The following KIAA1755 variants were observed in gnomAD, a reference collection of about 807,000 sequenced individuals.
The protein encoded by KIAA1755 is uncharacterized protein KIAA1755.
KIAA1755 carries 68 observed loss-of-function variants against 91.7 expected under a neutral mutation model. The ratio of observed to expected loss-of-function variants is 0.74; its 90% CI spans 0.61 to 0.91. KIAA1755 has a LOEUF of 0.91. KIAA1755 is among the 40% of genes least tolerant of loss of function. The pLI is 0.00. For missense variants in KIAA1755, 1,535 were observed against 1,494.4 expected, an observed-to-expected ratio of 1.03 and a Z score of -0.45; for synonymous variants, 610 against 604.6, an observed-to-expected ratio of 1.01 and a Z score of -0.13.
At chr20:38,219,561 G>T in intron 11 of KIAA1755, 69 bp downstream of exon 11, 1 of 1,586,080 alleles carries the variant, frequency 6.3e-7, no homozygotes, top group Non-Finnish European at 8.6e-7. Context: ...GACGGGCCCA[G>T]AGTCGGGGCT....
At chr20:38,249,858 A>G (rs1216663990) in intron 1 of KIAA1755, among the ~76,000 whole-genome samples, 2 of 151,350 alleles carry the variant, frequency 1.3e-5, no homozygotes, top group African/African-American at 4.9e-5. Flanking sequence ...CAATCCTGGG[A>G]GCAGTCCCTT....
rs369269098 is a variant in KIAA1755 at position 38,219,668 on chromosome 20, G to A, written c.2518C>T (p.Arg840Cys). ...SNSLLGKLEL[R>C]VRLGRLEAAI... ...GCTTCCAGGCGGCCCAGGCGGACAC[G>A]GAGCTCCAGCTTCCCCAGGAGGCTG... Residue 840 changes from arginine (R) to cysteine (C), a missense_variant, in exon 11 of 14, where the codon CGT becomes TGT. By Grantham distance (180) the Arg-to-Cys change is radical (BLOSUM62 -3). Transcript: ENST00000279024. The A allele has an allele frequency of 2.7e-5, 43 of 1,614,038 alleles. No homozygotes were observed. The highest frequency in any genetic ancestry group is 3.2e-5 in the Non-Finnish European group (38 of 1,180,044).
intron 1 of KIAA1755, among the ~76,000 whole-genome samples, chr20:38,251,417 C>G (rs778566078): frequency 1.3e-4 from 20 of 152,168 alleles, no homozygotes; most frequent in Admixed American, 2.0e-4. Flanking sequence ...ATGCTCATGA[C>G]CTTCTGGACT....
chr20:38,228,992 C>T (rs1320825054), intron 5 of KIAA1755, among the ~76,000 whole-genome samples: 2 of 152,224 alleles, frequency 1.3e-5, no homozygotes, highest in Non-Finnish European at 2.9e-5. Flanking sequence ...ACAGATTCCT[C>T]ACCCTACTCC....
chr20:38,231,240 C>T lies in KIAA1755; in HGVS notation c.1833G>A (p.Glu611=). The T allele has an allele frequency of 1.2e-6, 2 of 1,613,638 alleles. No individual in the cohort carries two copies. Among genetic ancestry groups the T allele is most frequent in the Non-Finnish European group, 1.7e-6 (2 of 1,179,868 alleles). The change falls in exon 5 of 14, where the codon GAG becomes GAA. Residue 611 remains glutamate (E), a synonymous_variant. Transcript: ENST00000279024. Reference sequence around the variant, plus strand: ...ACAGGTAGGACAGTAGCTTGGTGACCTCTGAAACTGTGCACCATGGTGCCT... The same window carrying T: ...ACAGGTAGGACAGTAGCTTGGTGACTTCTGAAACTGTGCACCATGGTGCCT... The part of the protein sequence containing the change: ...AWEAPWCTVS[E]VTKLLSYLCT...
Position 38,228,312 on chromosome 20 carries a change from G to A in KIAA1755, c.1872-72C>T, listed in dbSNP as rs2075797802. 4 of 1,181,168 alleles carry A rather than the reference G, an allele frequency of 3.4e-6. No homozygotes were observed. The African/African-American group carries it at 6.3e-5, about 18-fold the overall frequency. 73.2% of individuals were successfully genotyped at this position (1,181,168 alleles called of 1,614,324 possible). On this transcript the variant is annotated intron_variant, in intron 5 of 13. Coordinates refer to ENST00000279024, the MANE Select transcript of KIAA1755 (RefSeq NM_001029864.2). Reference sequence around the variant, plus strand: ...CAGGGGGCAGGACCTAGTGGAAGGTGAGGGAACCTGGCTGCTAGAAACCTT... The same window carrying A: ...CAGGGGGCAGGACCTAGTGGAAGGTAAGGGAACCTGGCTGCTAGAAACCTT...
Position 38,213,208 on chromosome 20 carries a change from G to A in KIAA1755, c.3437C>T (p.Pro1146Leu), listed in dbSNP as rs1346341577. 6.2e-7 allele frequency: 1 copy of A among 1,613,464 alleles called. No homozygotes were observed. The highest frequency in any genetic ancestry group is 8.5e-7 in the Non-Finnish European group (1 of 1,180,028). ...AAGCAAATGCTCGCGGGCAGGGTCA[G>A]GCAGCTTGTGGGAGCCTTTGCCGTC... is the stretch of plus-strand genomic sequence containing the variant. ...AEDGKGSHKLPDPAREHLLAT... is the reference protein window; with the variant it reads ...AEDGKGSHKLLDPAREHLLAT... Residue 1146 changes from proline to leucine, a missense_variant, in exon 14 of 14, where the codon CCT (proline) becomes CTT (leucine). By Grantham distance (98) the Pro-to-Leu change is moderately conservative (BLOSUM62 -3). Transcript: ENST00000279024.
At chr20:38,223,324 G>A (rs552772060) in intron 9 of KIAA1755, among the ~76,000 whole-genome samples, 24 of 152,318 alleles carry the variant, frequency 1.6e-4, no homozygotes, top group Admixed American at 7.2e-4. Flanking sequence ...ACAGCACCAC[G>A]AGCCCCAAGA....
chr20:38,213,748 G>A lies in KIAA1755; in HGVS notation c.2902-5C>T. 1 of 1,454,804 alleles carries A rather than the reference G, an allele frequency of 6.9e-7. No individual in the cohort carries two copies. Among genetic ancestry groups the A allele is most frequent in the Non-Finnish European group, 9.1e-7 (1 of 1,104,002 alleles). 90.1% of individuals were successfully genotyped at this position (1,454,804 alleles called of 1,614,324 possible). On this transcript the variant is annotated splice_region_variant and splice_polypyrimidine_tract_variant and intron_variant, in intron 13 of 13. Transcript: ENST00000279024. ...GTCCATGTGGAACCAGGTCATCTGGGGGACAAGAAGAGAGGGAGGTGGGGG... is the reference window on the plus strand; with the variant it reads ...GTCCATGTGGAACCAGGTCATCTGGAGGACAAGAAGAGAGGGAGGTGGGGG...
chr20:38,235,129 A>G (rs946093721), intron 4 of KIAA1755, among the ~76,000 whole-genome samples: 3 of 152,210 alleles, frequency 2.0e-5, no homozygotes, highest in African/African-American at 7.2e-5. Flanking sequence ...TTCATATCAA[A>G]ACGAGTGTGA....
At chr20:38,235,434 G>A (rs1161340864) in intron 4 of KIAA1755, among the ~76,000 whole-genome samples, 2 of 152,146 alleles carry the variant, frequency 1.3e-5, no homozygotes, top group Non-Finnish European at 2.9e-5. Flanking sequence ...TTGAGGTGGG[G>A]AGATTATCCT....
chr20:38,235,219 T>C (rs2075939776), intron 4 of KIAA1755, among the ~76,000 whole-genome samples: 1 of 152,232 alleles, frequency 6.6e-6, no homozygotes, highest in African/African-American at 2.4e-5. Flanking sequence ...ATGGAGCAAC[T>C]GAGAGCTCAG....
chr20:38,228,159 C>T lies in KIAA1755; in HGVS notation c.1953G>A (p.Leu651=). Reference sequence around the variant, plus strand: ...ACCTCCCACTCACCTGGGTGGCCTGCAGGGCGCTGACCAGACCGGGCTGTG... The same window carrying T: ...ACCTCCCACTCACCTGGGTGGCCTGTAGGGCGCTGACCAGACCGGGCTGTG... ...QPPQPGLVSA[L]QATQAQVPAS... Residue 651 remains leucine, a synonymous_variant, in exon 6 of 14, where the codon CTG becomes CTA. Transcript: ENST00000279024. 6.2e-7 allele frequency: 1 copy of T among 1,601,132 alleles called. No homozygotes were observed. Among genetic ancestry groups the T allele is most frequent in the Non-Finnish European group, 8.5e-7 (1 of 1,174,356 alleles).
chr20:38,217,309 C>A lies in KIAA1755; in HGVS notation c.2845G>T (p.Glu949Ter). ...GTCTCGAGGTCCGTGCGTTGCCGCT[C>A]GGCCGCCATGTAAAAGTGGGTCAGC... ...AELTHFYMAA[E>*]RQRTDLETLL... The change falls in exon 13 of 14, where the codon GAG becomes TAG. Residue 949 changes from glutamate (E) to a stop codon, truncating the protein, a stop_gained. Transcript: ENST00000279024. LOFTEE classifies it high-confidence loss of function. 1 of 1,609,538 alleles carries A rather than the reference C, an allele frequency of 6.2e-7. No individual in the cohort carries two copies. Among genetic ancestry groups the A allele is most frequent in the Non-Finnish European group, 8.5e-7 (1 of 1,178,442 alleles).
chr20:38,232,478 A>G (rs2075885061), intron 4 of KIAA1755, among the ~76,000 whole-genome samples: 1 of 151,914 alleles, frequency 6.6e-6, no homozygotes, highest in Non-Finnish European at 1.5e-5. Context: ...ATACAAAAAA[A>G]TTAGCCAGGC....
rs1004627074 is a variant in KIAA1755 at position 38,212,721 on chromosome 20, G to A, written c.*321C>T. ...TGCAGGTGGGTGTCTGCCTGCCTGC[G>A]AGCGAGACCTCTGGAGGGGTCTGTG... On this transcript the variant is annotated 3_prime_UTR_variant, in exon 14 of 14. Transcript: ENST00000279024. 6.4e-5 allele frequency: 15 copies of A among 235,096 alleles called. No individual in the cohort carries two copies. Among genetic ancestry groups the A allele is most frequent in the Middle Eastern group, 1.4e-3 (1 of 724 alleles). The allele number at this position is 235,096 out of a possible 1,614,324, so 14.6% of individuals were successfully genotyped here.
intron 7 of KIAA1755, among the ~76,000 whole-genome samples, chr20:38,226,033 G>A (rs2075751288): frequency 6.6e-6 from 1 of 152,136 alleles, no homozygotes. Flanking sequence ...TGTGCCCAAG[G>A]CAGACATCAT....
At chr20:38,246,372 C>T (rs1254507027) in intron 1 of KIAA1755, among the ~76,000 whole-genome samples, 1 of 152,054 alleles carries the variant, frequency 6.6e-6, no homozygotes, top group Non-Finnish European at 1.5e-5. Context: ...AATGCTCTTC[C>T]TCAAGACAGC....
chr20:38,233,470 T>C (rs889423784), intron 4 of KIAA1755: 2 of 152,110 alleles, frequency 1.3e-5, no homozygotes, highest in Non-Finnish European at 2.9e-5. Flanking sequence ...GTTTGTTGGG[T>C]CCCTTGGGTC....
Sources: gnomAD v4.1 joint callset for allele counts (sites outside exome capture counted in the v4.1 genomes callset) on GRCh38, gnomAD v4.1.1 for gene constraint, MANE v1.5 for transcripts, NCBI Gene and HGNC (gene_info 2026-07-23, HGNC 2026-07-21) for gene names.